The following VWA5A variants were observed in gnomAD, a reference collection of about 807,000 sequenced individuals.
VWA5A encodes the protein von Willebrand factor A domain containing 5A.
A neutral mutation model predicts 84.6 loss-of-function variants in VWA5A; 77 were observed. The observed-to-expected ratio is 0.91, with a 90% CI of 0.76 to 1.10. The LOEUF (loss-of-function observed/expected upper bound fraction) is 1.10. VWA5A is among the 50% of genes least tolerant of loss of function. VWA5A has a pLI of 0.00. For missense variants in VWA5A, 973 were observed against 963.0 expected (o/e 1.01, Z -0.14); for synonymous variants, 334 against 350.1 (o/e 0.95, Z 0.51).
chr11:124,136,101 G>A (rs370136732), intron 12 of VWA5A, 28 bp from the exon 13 acceptor site: 91 of 1,608,082 alleles, frequency 5.7e-5, no homozygotes, highest in Non-Finnish European at 7.5e-5. Flanking sequence ...TATCATTTGT[G>A]TTTATTCTGT....
At chr11:124,130,573 T>C (rs1865081635) in intron 11 of VWA5A, among the ~76,000 whole-genome samples, 1 of 152,104 alleles carries the variant, frequency 6.6e-6, no homozygotes, top group African/African-American at 2.4e-5. Context: ...ATATTGAAAG[T>C]GGGGTGTTAA....
chr11:124,136,698 T>A (rs748841843), intron 14 of VWA5A, 24 bp downstream of exon 14: 1 of 509,602 alleles, frequency 2.0e-6, no homozygotes, highest in South Asian at 2.2e-5. Context: ...TTTCCCTTCC[T>A]TCCTTCCTTC....
chr11:124,139,219 TTTTG>T (rs1233464017), intron 15 of VWA5A, among the ~76,000 whole-genome samples: 3 of 123,516 alleles, frequency 2.4e-5, no homozygotes, highest in Admixed American at 8.2e-5. Flanking sequence ...GCCTCCAGCA[TTTTG>T]TTTGTGTGTG....
rs1231761820 is a variant in VWA5A at position 124,142,516 on chromosome 11, C to G, written c.2098C>G (p.Leu700Val). Reference sequence around the variant, plus strand: ...TGGTTCCTGGGATCTGAATGAAGATCTAGCCAAGATCCTAGGTATGAGTTT... The same window carrying G: ...TGGTTCCTGGGATCTGAATGAAGATGTAGCCAAGATCCTAGGTATGAGTTT... ...ANGSWDLNED[L>V]AKILGMSLEE... Residue 700 changes from leucine (L) to valine (V), a missense_variant, in exon 17 of 19, where the codon CTA becomes GTA. By Grantham distance (32) the Leu-to-Val change is conservative. Transcript: ENST00000456829. 3.7e-6 allele frequency: 6 copies of G among 1,614,146 alleles called. No individual in the cohort carries two copies.
rs765781646 is a variant in VWA5A, at chr11:124,141,609, G to T, written c.1891G>T (p.Ala631Ser). The T allele has an allele frequency of 1.2e-6, 2 of 1,613,940 alleles. No individual in the cohort carries two copies. Among genetic ancestry groups the T allele is most frequent in the African/African-American group, 2.7e-5 (2 of 74,882 alleles). Residue 631 changes from alanine (A) to serine (S), a missense_variant, in exon 16 of 19, where the codon GCC (alanine) becomes TCC (serine). Physicochemically the swap from Ala to Ser is moderately conservative, Grantham distance 99. Coordinates refer to ENST00000456829, the MANE Select transcript of VWA5A (RefSeq NM_001130142.2). ...TTGGATTTTTTCAGGTTTTCGAAAG[G>T]CCTTACACTCTGACCGTCCTCCTTC... The part of the protein sequence containing the change: ...KIKCQSGFRK[A>S]LHSDRPPSAS...
chr11:124,126,542 C>T (rs1210602533), intron 11 of VWA5A, among the ~76,000 whole-genome samples: 1 of 152,096 alleles, frequency 6.6e-6, no homozygotes, highest in African/African-American at 2.4e-5. Context: ...AGGCAGACCA[C>T]GAGGTCAGGA....
In VWA5A at chr11:124,146,235, A is replaced by T. The variant is rs1261170872; in HGVS notation, c.*290A>T. The T allele has an allele frequency of 3.6e-6, 1 of 275,716 alleles. No homozygotes were observed. The highest frequency in any genetic ancestry group is 6.8e-6 in the Non-Finnish European group (1 of 146,056). The allele number at this position is 275,716 out of a possible 1,614,324, so 17.1% of individuals were successfully genotyped here. On this transcript the variant is annotated 3_prime_UTR_variant, in exon 19 of 19. Coordinates refer to ENST00000456829, the MANE Select transcript of VWA5A (RefSeq NM_001130142.2). Reference sequence around the variant, plus strand: ...AATGTTCCTCCCAGGGTTTCCAGGGAAACAACATGAAAAACAGGTGACATG... The same window carrying T: ...AATGTTCCTCCCAGGGTTTCCAGGGTAACAACATGAAAAACAGGTGACATG...
chr11:124,134,975 G>C lies in VWA5A; in HGVS notation c.1300G>C (p.Ala434Pro), dbSNP rs151226412. The change falls in exon 12 of 19, where the codon GCC becomes CCC. Residue 434 changes from alanine (A) to proline (P), a missense_variant. Transcript: ENST00000456829. ...GTSTSLIKGI[A>P]RASGGTSEFI... ...CTCCACCAGCCTAATAAAAGGTATT[G>C]CCCGGGCATCAGGGGGCACCTCAGA... 9.7e-5 allele frequency: 157 copies of C among 1,613,544 alleles called. No individual in the cohort carries two copies. The highest frequency in any genetic ancestry group is 1.3e-4 in the Non-Finnish European group (150 of 1,179,860).
rs1377186565 is a variant in VWA5A at position 124,123,453 on chromosome 11, C to T, written c.1018C>T (p.Pro340Ser). Residue 340 changes from proline (P) to serine (S), a missense_variant and splice_region_variant, in exon 9 of 19, where the codon CCG becomes TCG. Pro to Ser is a moderately conservative substitution (Grantham distance 74). Transcript: ENST00000456829. The part of the protein sequence containing the change: ...GFGSSYEACF[P>S]ESVKYTQQTM... ...TGGCTCTTCCTATGAGGCATGCTTT[C>T]CGTAAGTTTCTGGAAAGACAATAGG... is the stretch of plus-strand genomic sequence containing the variant. 1 of 1,613,816 alleles carries T rather than the reference C, an allele frequency of 6.2e-7. No individual in the cohort carries two copies. Among genetic ancestry groups the T allele is most frequent in the Admixed American group, 1.7e-5 (1 of 59,976 alleles).
chr11:124,137,631 A>G (rs1308547132), intron 15 of VWA5A, among the ~76,000 whole-genome samples: 1 of 152,212 alleles, frequency 6.6e-6, no homozygotes, highest in African/African-American at 2.4e-5. Context: ...AATGGGTTTT[A>G]GTATGTTCAC....
chr11:124,123,139 G>C lies in VWA5A; in HGVS notation c.930+10G>C, dbSNP rs747493665. 1 of 1,607,716 alleles carries C rather than the reference G, an allele frequency of 6.2e-7. No homozygotes were observed. The highest frequency in any genetic ancestry group is 8.5e-7 in the Non-Finnish European group (1 of 1,178,086). On this transcript the variant is annotated intron_variant, in intron 8 of 18. Transcript: ENST00000456829. Reference sequence around the variant, plus strand: ...AATACAGGCAGCCAAGGTAAAGCTAGTTTCTTTCCTCTTCTGGGTCACATG... The same window carrying C: ...AATACAGGCAGCCAAGGTAAAGCTACTTTCTTTCCTCTTCTGGGTCACATG...
At chr11:124,132,384 A>G (rs1247999431) in intron 11 of VWA5A, among the ~76,000 whole-genome samples, 1 of 152,096 alleles carries the variant, frequency 6.6e-6, no homozygotes, top group Non-Finnish European at 1.5e-5. Flanking sequence ...CCTTGCTCCA[A>G]AAGGTTTTCT....
chr11:124,141,860 C>T lies in VWA5A; in HGVS notation c.2023+119C>T, dbSNP rs1189222273. On this transcript the variant is annotated intron_variant, in intron 16 of 18. Coordinates refer to ENST00000456829, the MANE Select transcript of VWA5A (RefSeq NM_001130142.2). ...AAGAGATGCATGTTTCTCGAAGGGA[C>T]CCCCCATGCATTGGAAAAGATTCAT... The T allele has an allele frequency of 9.7e-6, 13 of 1,338,944 alleles. No homozygotes were observed. In the East Asian group the frequency reaches 1.2e-4, roughly 12 times the overall value. The allele number at this position is 1,338,944 out of a possible 1,614,324, so 82.9% of individuals were successfully genotyped here.
rs1248968233 is a variant in VWA5A, at chr11:124,141,661, T to C, written c.1943T>C (p.Met648Thr). The C allele has an allele frequency of 4.3e-6, 7 of 1,614,178 alleles. No homozygotes were observed. Among genetic ancestry groups the C allele is most frequent in the African/African-American group, 1.3e-5 (1 of 75,030 alleles). Residue 648 changes from methionine to threonine, a missense_variant, in exon 16 of 19, where the codon ATG becomes ACG. By Grantham distance (81) the Met-to-Thr change is moderately conservative (BLOSUM62 -1). Coordinates refer to ENST00000456829, the MANE Select transcript of VWA5A (RefSeq NM_001130142.2). ...GCATCTCAGCCCAGAGGGGAACTTATGTGTTATAAGGCCAAGACATTCCAG... is the reference window on the plus strand; with the variant it reads ...GCATCTCAGCCCAGAGGGGAACTTACGTGTTATAAGGCCAAGACATTCCAG... ...PSASQPRGELMCYKAKTFQMD... is the reference protein window; with the variant it reads ...PSASQPRGELTCYKAKTFQMD...
At chr11:124,136,088 C>A in intron 12 of VWA5A, 41 bp from the exon 13 acceptor site, 1 of 1,597,032 alleles carries the variant, frequency 6.3e-7, no homozygotes, top group South Asian at 1.1e-5. Flanking sequence ...CTGCCATTGT[C>A]TGTATCATTT....
rs1860797434 is a variant in VWA5A, at chr11:124,145,260, C to A, written c.2178C>A (p.Ala726=). The A allele has an allele frequency of 6.2e-7, 1 of 1,613,514 alleles. No individual in the cohort carries two copies. The highest frequency in any genetic ancestry group is 2.2e-5 in the East Asian group (1 of 44,858). ...AGCTTGTGGATTCCTCAGGCTGGGC[C>A]ACCATCCTGGCCGTGATCTGGCTGC... The part of the protein sequence containing the change: ...PAELVDSSGW[A]TILAVIWLHS... The change falls in exon 18 of 19, where the codon GCC becomes GCA. Residue 726 remains alanine, a synonymous_variant. Coordinates refer to ENST00000456829, the MANE Select transcript of VWA5A (RefSeq NM_001130142.2).
Position 124,124,759 on chromosome 11 carries a change from C to T in VWA5A, c.1244+443C>T, listed in dbSNP as rs140994460. 4.0e-4 allele frequency: 66 copies of T among 164,156 alleles called. 1 individual carries two copies. The highest frequency in any genetic ancestry group is 4.0e-3 in the South Asian group (20 of 5,054). The allele number at this position is 164,156 out of a possible 1,614,324, so 10.2% of individuals were successfully genotyped here. On this transcript the variant is annotated intron_variant, in intron 11 of 18. Coordinates refer to ENST00000456829, the MANE Select transcript of VWA5A (RefSeq NM_001130142.2). ...TCATGTCCTATTCCCTGTCACTACA[C>T]ACTAAAACTTTCCTGACTTACAATA...
At chr11:124,131,455 C>T (rs1472637717) in intron 11 of VWA5A, among the ~76,000 whole-genome samples, 1 of 152,018 alleles carries the variant, frequency 6.6e-6, no homozygotes, top group African/African-American at 2.4e-5. Context: ...TGTAAAACTG[C>T]AGATAAGGGA....
intron 12 of VWA5A, among the ~76,000 whole-genome samples, chr11:124,135,531 T>TTTTTTC (rs1565620040): frequency 3.6e-5 from 5 of 138,628 alleles, no homozygotes; most frequent in African/African-American, 5.4e-5. Context: ...TCTTTTTTTT[T>TTTTTTC]TTTTTTTTTT....
Sources: allele counts gnomAD v4.1 joint callset (sites outside exome capture counted in the v4.1 genomes callset), GRCh38; gene constraint gnomAD v4.1.1; transcripts MANE v1.5; gene names NCBI Gene and HGNC (gene_info 2026-07-23, HGNC 2026-07-21).